Variants in PSME4 observed in about 807,000 individuals in gnomAD.
PSME4 encodes proteasome activator subunit 4.
In PSME4, 89 loss-of-function variants were observed where a neutral mutation model predicts 253.9. The ratio of observed to expected loss-of-function variants is 0.35; its 90% confidence interval spans 0.30 to 0.42. The LOEUF (loss-of-function observed/expected upper bound fraction) is 0.42. Among genes scored for constraint, PSME4 ranks in the 10% least tolerant of loss-of-function variants. The pLI is 1.00. For missense variants in PSME4, 2,014 were observed against 2,195.2 expected (o/e 0.92, Z 1.65); for synonymous variants, 851 against 759.2 (o/e 1.12, Z -1.99).
At chr2:53,936,976 A>G (rs980267269) in intron 5 of PSME4, 149 bp from the exon 6 acceptor site, 3 of 574,520 alleles carry the variant, frequency 5.2e-6, no homozygotes, top group Non-Finnish European at 9.1e-6. Flanking sequence ...TTAATAAAAC[A>G]AAGGGGTATT....
intron 43 of PSME4, among the ~76,000 whole-genome samples, chr2:53,871,122 T>C (rs914146988): frequency 3.2e-4 from 48 of 152,228 alleles, no homozygotes; most frequent in Admixed American, 3.1e-3. Flanking sequence ...CACTACACAT[T>C]TTTGTTTTGT....
Position 53,869,398 on chromosome 2 carries a change from T to C in PSME4, c.5241A>G (p.Val1747=). The part of the protein sequence containing the change: ...PKKRKRDPGS[V]GDTIPSAELV... ...TACCTGCAGAAGGAATGGTATCTCCTACAGAACCAGGGTCTCGCTTTCTTT... is the reference window on the plus strand; with the variant it reads ...TACCTGCAGAAGGAATGGTATCTCCCACAGAACCAGGGTCTCGCTTTCTTT... The change falls in exon 44 of 47, where the codon GTA becomes GTG. Residue 1747 remains valine (V), a synonymous_variant. Transcript: ENST00000404125. 1 of 1,610,468 alleles carries C rather than the reference T, an allele frequency of 6.2e-7. No homozygotes were observed. The highest frequency in any genetic ancestry group is 2.2e-5 in the East Asian group (1 of 44,840).
chr2:53,967,307 A>T (rs967346249), intron 1 of PSME4, among the ~76,000 whole-genome samples: 15 of 152,152 alleles, frequency 9.9e-5, no homozygotes, highest in African/African-American at 3.6e-4. Context: ...CAGAGATGTT[A>T]AACAGACCTG....
At chr2:53,866,984 A>G in intron 44 of PSME4, 104 bp from the exon 45 acceptor site, 3 of 1,106,332 alleles carry the variant, frequency 2.7e-6, no homozygotes, top group Non-Finnish European at 3.9e-6. Context: ...TCAATATGTG[A>G]ATTTCTGCAT....
intron 34 of PSME4, 26 bp from the exon 35 acceptor site, chr2:53,893,825 T>C (rs1680022283): frequency 4.5e-6 from 7 of 1,561,678 alleles, no homozygotes; most frequent in Non-Finnish European, 6.0e-6. Flanking sequence ...AAGAACAATA[T>C]TCAGCGTTTA....
intron 41 of PSME4, among the ~76,000 whole-genome samples, chr2:53,883,293 C>A (rs1679481158): frequency 6.6e-6 from 1 of 152,042 alleles, no homozygotes; most frequent in Non-Finnish European, 1.5e-5. Flanking sequence ...GTGGGAGGAC[C>A]ATTGGAGACC....
intron 41 of PSME4, among the ~76,000 whole-genome samples, chr2:53,878,544 G>T (rs1679238063): frequency 1.3e-5 from 2 of 152,224 alleles, no homozygotes; most frequent in South Asian, 4.1e-4. Context: ...AAAGCAAATA[G>T]GAGAAATATC....
chr2:53,945,871 AG>A (rs1204137579), intron 3 of PSME4, among the ~76,000 whole-genome samples: 2 of 152,236 alleles, frequency 1.3e-5, no homozygotes, highest in African/African-American at 2.4e-5. Context: ...TAATGAGTAT[AG>A]GTAGGTTATA....
At chr2:53,900,190 G>A (rs572984007) in intron 28 of PSME4, among the ~76,000 whole-genome samples, 173 bp from the exon 29 acceptor site, 1 of 152,142 alleles carries the variant, frequency 6.6e-6, no homozygotes, top group Non-Finnish European at 1.5e-5. Flanking sequence ...CAGAGAAAGT[G>A]GTTTCCAGGG....
chr2:53,929,059 G>A (rs890754387), intron 10 of PSME4, among the ~76,000 whole-genome samples: 3 of 152,000 alleles, frequency 2.0e-5, no homozygotes, highest in Admixed American at 6.6e-5. Flanking sequence ...CAAGCTACTC[G>A]GGTGGCTGAG....
intron 3 of PSME4, among the ~76,000 whole-genome samples, chr2:53,948,212 G>C: frequency 6.6e-6 from 1 of 152,188 alleles, no homozygotes; most frequent in East Asian, 1.9e-4. Flanking sequence ...GGATGTAGGT[G>C]CAAGAAGTCA....
At chr2:53,879,404 A>G (rs559116147) in intron 41 of PSME4, among the ~76,000 whole-genome samples, 3 of 152,266 alleles carry the variant, frequency 2.0e-5, no homozygotes, top group South Asian at 4.1e-4. Context: ...AAAAAAAGCA[A>G]AAGCAAAATG....
At chr2:53,919,911 G>T (rs1182142674) in intron 19 of PSME4, among the ~76,000 whole-genome samples, 1 of 151,772 alleles carries the variant, frequency 6.6e-6, no homozygotes, top group African/African-American at 2.4e-5. Flanking sequence ...TCCTTTCAAA[G>T]GAGGCATATC....
At chr2:53,956,444 C>T (rs1200155074) in intron 1 of PSME4, among the ~76,000 whole-genome samples, 2 of 151,566 alleles carry the variant, frequency 1.3e-5, no homozygotes, top group African/African-American at 2.4e-5. Context: ...GCAGGAGAAT[C>T]GCTTGAACCC....
intron 42 of PSME4, 117 bp downstream of exon 42, chr2:53,875,510 A>G: frequency 1.0e-6 from 1 of 999,078 alleles, no homozygotes; most frequent in Non-Finnish European, 1.4e-6. Flanking sequence ...CTTCTCTTAT[A>G]CTAAAAGAAA....
chr2:53,947,913 G>A (rs1421981210), intron 3 of PSME4, among the ~76,000 whole-genome samples: 1 of 151,794 alleles, frequency 6.6e-6, no homozygotes, highest in Non-Finnish European at 1.5e-5. Flanking sequence ...CTGCTCGGGA[G>A]GCTGAGGAAC....
intron 1 of PSME4, among the ~76,000 whole-genome samples, chr2:53,957,647 T>C (rs1670295366): frequency 2.0e-5 from 3 of 152,166 alleles, no homozygotes; most frequent in Non-Finnish European, 4.4e-5. Context: ...GTACGTGGCC[T>C]GGGAGATGGA....
chr2:53,907,991 A>C (rs1307484275), intron 24 of PSME4: 3 of 238,814 alleles, frequency 1.3e-5, no homozygotes, highest in African/African-American at 4.6e-5. Flanking sequence ...CATAAAGTGT[A>C]ATGCTTTAAA....
chr2:53,881,275 T>C (rs1341516163), intron 41 of PSME4, among the ~76,000 whole-genome samples: 2 of 152,204 alleles, frequency 1.3e-5, no homozygotes. Flanking sequence ...TGTACCACAA[T>C]ATCTGTACAT....
Sources: gnomAD v4.1 joint callset for allele counts (sites outside exome capture counted in the v4.1 genomes callset) on GRCh38, gnomAD v4.1.1 for gene constraint, MANE v1.5 for transcripts, NCBI Gene and HGNC (gene_info 2026-07-23, HGNC 2026-07-21) for gene names.